PMPCB: variants seen among roughly 807,000 people sequenced by gnomAD.
PMPCB encodes peptidase, mitochondrial processing subunit beta, also known as mitochondrial-processing peptidase subunit beta.
PMPCB carries 46 observed loss-of-function variants against 61.5 expected under a neutral mutation model. The observed-to-expected ratio is 0.75, with a 90% CI of 0.59 to 0.96. The LOEUF (loss-of-function observed/expected upper bound fraction) is 0.96. Among genes scored for constraint, PMPCB ranks in the 40% least tolerant of loss-of-function variants. The pLI, the probability that PMPCB is intolerant of heterozygous loss-of-function variation, is 0.00. For missense variants in PMPCB, 590 were observed against 602.4 expected (o/e 0.98, Z 0.22); for synonymous variants, 191 against 201.6 (o/e 0.95, Z 0.44).
downstream of PMPCB, among the ~76,000 whole-genome samples, chr7:103,314,903 C>T (rs941953945): frequency 1.3e-5 from 2 of 152,100 alleles, no homozygotes; most frequent in Non-Finnish European, 2.9e-5. Context: ...ATTGGTGGCT[C>T]ACAAAACATG....
chr7:103,323,054 G>A (rs572226797), intron 12 of PMPCB, among the ~76,000 whole-genome samples: 21 of 151,764 alleles, frequency 1.4e-4, no homozygotes, highest in Non-Finnish European at 2.4e-4. Context: ...CTCAGCCTCC[G>A]GAGTAGCTGG....
chr7:103,309,167 G>C (rs1473373237), intron 8 of PMPCB, 72 bp downstream of exon 8: 2 of 1,253,982 alleles, frequency 1.6e-6, no homozygotes, highest in South Asian at 3.2e-5. Flanking sequence ...TAAGTTCTTT[G>C]TAAGAATCCT....
intron 9 of PMPCB, 199 bp downstream of exon 9, chr7:103,310,674 ATT>A (rs377252653): frequency 0.01 from 1,606 of 158,042 alleles, no homozygotes; most frequent in South Asian, 0.022. Flanking sequence ...ATACTATAGA[ATT>A]TTTTTTTTTT....
At chr7:103,337,885 TTAA>T in the PMPCB span, 1 of 1,048,276 alleles carries the variant, frequency 9.5e-7, no homozygotes, top group Non-Finnish European at 1.5e-6. Flanking sequence ...TTCTGGTACC[TTAA>T]TAAGCATTTC....
intron 12 of PMPCB, among the ~76,000 whole-genome samples, chr7:103,327,978 TGG>T (rs1818795732): frequency 6.6e-6 from 1 of 152,180 alleles, no homozygotes; most frequent in South Asian, 2.1e-4. Flanking sequence ...TGGAGTGTAA[TGG>T]CACGATCTCG....
rs746021935 is a variant in PMPCB, at chr7:103,321,925, G to A, written c.*1432-7006G>A. On this transcript the variant is annotated intron_variant and NMD_transcript_variant, in intron 12 of 12. Coordinates refer to the PMPCB transcript ENST00000444457. The stretch of plus-strand genomic sequence containing the variant: ...CTTGTGCCTAGTGTTTGTTCAGTCT[G>A]ATATACCTTGCATGAGTTTCGAAGT... The A allele has an allele frequency of 3.1e-6, 5 of 1,612,500 alleles. No individual in the cohort carries two copies. The Admixed American group carries it at 8.4e-5, about 27-fold the overall frequency.
chr7:103,323,091 G>C (rs546031826), intron 12 of PMPCB, among the ~76,000 whole-genome samples: 1 of 152,004 alleles, frequency 6.6e-6, no homozygotes. Flanking sequence ...CACCATGCCT[G>C]GCTACTTTTT....
Position 103,313,079 on chromosome 7 carries a change from AG to A in PMPCB, c.*812del. 1 of 1,613,734 alleles carries A rather than the reference AG, an allele frequency of 6.2e-7. No homozygotes were observed. Among genetic ancestry groups the A allele is most frequent in the Non-Finnish European group, 8.5e-7 (1 of 1,179,858 alleles). ...AAAGCTTCTGTTCTTCTGTTGTCCAAGGGGTGAAGTCTGTATATGGACCTGA... is the reference window on the plus strand; with the variant it reads ...AAAGCTTCTGTTCTTCTGTTGTCCAAGGGTGAAGTCTGTATATGGACCTGA... On this transcript the variant is annotated 3_prime_UTR_variant, in exon 13 of 13. Transcript: ENST00000249269.
In PMPCB at chr7:103,323,660, A is replaced by G. The variant is rs746606903; in HGVS notation, c.*1432-5271A>G. 4 of 1,424,552 alleles carry G rather than the reference A, an allele frequency of 2.8e-6. No homozygotes were observed. In the African/African-American group the frequency reaches 4.3e-5, roughly 15 times the overall value. 88.2% of individuals were successfully genotyped at this position (1,424,552 alleles called of 1,614,324 possible). On this transcript the variant is annotated intron_variant and NMD_transcript_variant, in intron 12 of 12. Coordinates refer to the PMPCB transcript ENST00000444457. Reference sequence around the variant, plus strand: ...AAAATTCTCTCCAAGAATCAAAATTATACCTAATATAGACAGAAATAATAC... The same window carrying G: ...AAAATTCTCTCCAAGAATCAAAATTGTACCTAATATAGACAGAAATAATAC...
chr7:103,312,826 A>G lies in PMPCB; in HGVS notation c.*555A>G, dbSNP rs1361040330. ...ATTTCTTCCTCATAATATTGACCCC[A>G]TAACTACTGGTTTTGAAATAAGCAC... On this transcript the variant is annotated 3_prime_UTR_variant, in exon 13 of 13. Transcript: ENST00000249269. The G allele has an allele frequency of 7.9e-6, 12 of 1,522,290 alleles. No individual in the cohort carries two copies. The highest frequency in any genetic ancestry group is 9.6e-6 in the Non-Finnish European group (11 of 1,142,300). The allele number at this position is 1,522,290 out of a possible 1,614,324, so 94.3% of individuals were successfully genotyped here. A position where few individuals can be genotyped will look rare whatever the true frequency, so the allele number is the denominator to read the frequency against.
chr7:103,320,814 A>T, intron 12 of PMPCB: 1 of 179,702 alleles, frequency 5.6e-6, no homozygotes, highest in Non-Finnish European at 1.1e-5. Flanking sequence ...TCATATCTTC[A>T]GTTATCTCAG....
At chr7:103,335,584 T>C in the PMPCB span, 1 of 151,798 alleles carries the variant, frequency 6.6e-6, no homozygotes, top group Non-Finnish European at 1.5e-5. Flanking sequence ...CTCACTCTGT[T>C]GCTCAGGTTG....
At chr7:103,322,590 T>G (rs1459711511) in intron 12 of PMPCB, 19 of 1,611,396 alleles carry the variant, frequency 1.2e-5, no homozygotes, top group Non-Finnish European at 1.5e-5. Flanking sequence ...TTTTTCTTCT[T>G]CCTTGAACTT....
downstream of PMPCB, chr7:103,316,765 G>A (rs1818083076): frequency 1.5e-5 from 20 of 1,307,752 alleles, no homozygotes; most frequent in South Asian, 6.6e-5. Flanking sequence ...CTGCTATTTG[G>A]AGTCTGTCTA....
Position 103,312,932 on chromosome 7 carries a change from G to A in PMPCB, c.*661G>A, listed in dbSNP as rs1340866221. On this transcript the variant is annotated 3_prime_UTR_variant, in exon 13 of 13. Coordinates refer to ENST00000249269, the MANE Select transcript of PMPCB (RefSeq NM_004279.3). ...ATTTAAAATACAACAATCTATAAAC[G>A]CTTAAGTCTGCAACCTTGTATCGTT... is the stretch of plus-strand genomic sequence containing the variant. 3 of 1,601,300 alleles carry A rather than the reference G, an allele frequency of 1.9e-6. No individual in the cohort carries two copies. Among genetic ancestry groups the A allele is most frequent in the African/African-American group, 1.4e-5 (1 of 73,848 alleles).
downstream of PMPCB, among the ~76,000 whole-genome samples, chr7:103,332,983 G>A (rs1819034343): frequency 6.6e-6 from 1 of 152,134 alleles, no homozygotes; most frequent in African/African-American, 2.4e-5. Flanking sequence ...GACCAAAAGT[G>A]TTCGGGATTT....
chr7:103,298,685 G>A lies in PMPCB; in HGVS notation c.217G>A (p.Asp73Asn). Residue 73 changes from aspartate to asparagine, a missense_variant, in exon 2 of 13, where the codon GAC becomes AAC. Coordinates refer to ENST00000249269, the MANE Select transcript of PMPCB (RefSeq NM_004279.3). ...LESGLRVASE[D>N]SGLSTCTVGL... ...AAGTGGACTCAGAGTAGCTTCGGAA[G>A]ACTCTGGGCTCTCAACATGCACAGT... The A allele has an allele frequency of 6.2e-7, 1 of 1,614,132 alleles. No homozygotes were observed. The highest frequency in any genetic ancestry group is 8.5e-7 in the Non-Finnish European group (1 of 1,179,954).
the PMPCB span, chr7:103,341,720 C>G: frequency 6.9e-7 from 1 of 1,454,452 alleles, no homozygotes. Context: ...TTGTCTATGT[C>G]TAACAAAGCA....
chr7:103,317,081 G>A (rs1303153503), downstream of PMPCB: 2 of 1,404,538 alleles, frequency 1.4e-6, no homozygotes, highest in Admixed American at 1.9e-5. Context: ...TCTCTTCCTG[G>A]CTAGGGCTTT....
Sources: allele counts gnomAD v4.1 joint callset (sites outside exome capture counted in the v4.1 genomes callset), GRCh38; gene constraint gnomAD v4.1.1; transcripts MANE v1.5; gene names NCBI Gene and HGNC (gene_info 2026-07-23, HGNC 2026-07-21).